Variants in GATB observed in about 807,000 individuals in gnomAD.
The protein encoded by GATB is glutamyl-tRNA(Gln) amidotransferase subunit B, mitochondrial.
GATB carries 39 observed loss-of-function variants against 62.3 expected under a neutral mutation model. That is an observed-to-expected ratio of 0.63 (90% CI 0.48 to 0.82). The LOEUF is 0.82. Ranked by LOEUF, GATB falls within the 40% of genes least tolerant of loss-of-function variation. The pLI is 0.00. For missense variants in GATB, 670 were observed against 684.0 expected (o/e 0.98, Z 0.23); for synonymous variants, 276 against 258.9 (o/e 1.07, Z -0.63).
chr4:151,707,015 C>T (rs1249208981), intron 6 of GATB, among the ~76,000 whole-genome samples: 1 of 152,206 alleles, frequency 6.6e-6, no homozygotes, highest in Admixed American at 6.5e-5. Context: ...ATACATTTAT[C>T]ATCAAAGAAA....
At chr4:151,715,978 G>C in intron 5 of GATB, 31 bp downstream of exon 5, 1 of 1,607,016 alleles carries the variant, frequency 6.2e-7, no homozygotes, top group Non-Finnish European at 8.5e-7. Flanking sequence ...AAGGGAGAGG[G>C]AAAGAAGAAT....
chr4:151,671,742 A>C (rs1737868534), intron 12 of GATB, among the ~76,000 whole-genome samples: 1 of 125,286 alleles, frequency 8.0e-6, no homozygotes, highest in African/African-American at 3.0e-5. Flanking sequence ...CCCCACCAAG[A>C]AGATTCCTTT....
At chr4:151,684,738 T>G (rs1401694112) in intron 10 of GATB, among the ~76,000 whole-genome samples, 1 of 152,368 alleles carries the variant, frequency 6.6e-6, no homozygotes, top group East Asian at 1.9e-4. Context: ...ACACAACTGT[T>G]GCCTGCTTCC....
intron 4 of GATB, among the ~76,000 whole-genome samples, chr4:151,716,481 G>A (rs189504413): frequency 3.3e-5 from 5 of 152,070 alleles, no homozygotes; most frequent in Admixed American, 3.3e-4. Context: ...TCGCTATGTT[G>A]CCCAGCCTGA....
At chr4:151,671,763 A>G (rs1383355432) in intron 12 of GATB, among the ~76,000 whole-genome samples, 3 of 151,474 alleles carry the variant, frequency 2.0e-5, no homozygotes, top group Admixed American at 6.6e-5. Flanking sequence ...ATCAGAAAGC[A>G]GATCTACACA....
chr4:151,672,625 A>T (rs1227930287), intron 12 of GATB, 137 bp downstream of exon 12: 2 of 825,100 alleles, frequency 2.4e-6, no homozygotes, highest in Non-Finnish European at 3.7e-6. Flanking sequence ...TAAAAAGATG[A>T]CAGTGAGGGA....
At position 151,754,810 on chromosome 4, in the gene GATB, G is replaced by C. The variant is rs149266101; in HGVS notation, c.327+3962C>G. Among the ~76,000 whole-genome samples, 164 of 152,120 alleles carry C rather than the reference G, an allele frequency of 1.1e-3. 3 individuals are homozygous for C. In the East Asian group the frequency reaches 0.027, roughly 25 times the overall value. ...TTTATCCATATACTAGTTTTTACTG[G>C]TTTTCATTATTTACTTAATTCTCTA... On this transcript the variant is annotated intron_variant, in intron 2 of 12. Coordinates refer to ENST00000263985, the MANE Select transcript of GATB (RefSeq NM_004564.3).
chr4:151,676,845 G>A (rs965968090), intron 11 of GATB, among the ~76,000 whole-genome samples: 2 of 152,164 alleles, frequency 1.3e-5, no homozygotes, highest in African/African-American at 2.4e-5. Flanking sequence ...TGTAAATGTC[G>A]GGAGCACTGG....
chr4:151,680,480 T>G (rs1738117293), intron 10 of GATB, among the ~76,000 whole-genome samples: 1 of 152,148 alleles, frequency 6.6e-6, no homozygotes, highest in Non-Finnish European at 1.5e-5. Flanking sequence ...TAGAATCCAC[T>G]ATACCTATAT....
At chr4:151,686,204 TTCCCTC>T (rs1452308566) in intron 10 of GATB, among the ~76,000 whole-genome samples, 12 of 152,042 alleles carry the variant, frequency 7.9e-5, no homozygotes, top group African/African-American at 2.4e-4. Flanking sequence ...CTGTGACTTT[TTCCCTC>T]AAAAGCTCTC....
intron 11 of GATB, chr4:151,677,848 T>G (rs568603697): frequency 6.6e-6 from 1 of 152,172 alleles, no homozygotes; most frequent in East Asian, 1.9e-4. Flanking sequence ...TGCTTGACAC[T>G]ATATAATTAA....
chr4:151,701,394 TGGGGAGCTCCGG>T lies in GATB; in HGVS notation c.1120_1131del (p.Pro374_Pro377del). The T allele has an allele frequency of 6.2e-7, 1 of 1,603,908 alleles. No homozygotes were observed. The highest frequency in any genetic ancestry group is 8.5e-7 in the Non-Finnish European group (1 of 1,175,012). ...TGGACAAGCTTCTCTCGGGTCACAC[TGGGGAGCTCCGG>T]GAGTGTCTCCCGAATCTGGTCAATA... On this transcript the variant is annotated inframe_deletion, in exon 9 of 13. Coordinates refer to ENST00000263985, the MANE Select transcript of GATB (RefSeq NM_004564.3).
chr4:151,734,687 T>TA lies in GATB; in HGVS notation c.328-15150dup, dbSNP rs1310179336. Among the ~76,000 whole-genome samples, 5 of 152,216 alleles carry TA rather than the reference T, an allele frequency of 3.3e-5. No individual in the cohort carries two copies. In the East Asian group the frequency reaches 5.8e-4, roughly 18 times the overall value. ...CACACTACCTGATTTTAAACTATACTATAAGGCCACAGTCACCAACACAGC... is the reference window on the plus strand; with the variant it reads ...CACACTACCTGATTTTAAACTATACTAATAAGGCCACAGTCACCAACACAGC... On this transcript the variant is annotated intron_variant, in intron 2 of 12. Transcript: ENST00000263985.
chr4:151,685,785 C>T (rs371241831), intron 10 of GATB, among the ~76,000 whole-genome samples: 1 of 152,220 alleles, frequency 6.6e-6, no homozygotes, highest in Non-Finnish European at 1.5e-5. Context: ...CGGTGGCTCA[C>T]GCCTGTAATC....
chr4:151,716,706 G>A (rs1738919311), intron 4 of GATB, among the ~76,000 whole-genome samples, 170 bp downstream of exon 4: 1 of 152,220 alleles, frequency 6.6e-6, no homozygotes, highest in African/African-American at 2.4e-5. Flanking sequence ...TTCAAGCCAT[G>A]TTCGCTAGTC....
At chr4:151,716,410 A>G (rs1178649562) in intron 4 of GATB, among the ~76,000 whole-genome samples, 1 of 151,764 alleles carries the variant, frequency 6.6e-6, no homozygotes, top group Non-Finnish European at 1.5e-5. Flanking sequence ...AGCCTCCTGA[A>G]TAGCTGGGGA....
chr4:151,727,064 G>A (rs1226736792), intron 2 of GATB, among the ~76,000 whole-genome samples: 1 of 152,172 alleles, frequency 6.6e-6, no homozygotes, highest in Non-Finnish European at 1.5e-5. Flanking sequence ...CCACAGGTGT[G>A]AGCCACCATG....
rs76752398 is a variant in GATB at position 151,707,676 on chromosome 4, G to A, written c.877+312C>T. ...GACTCACTTCTGCCTTCATCCTCCC[G>A]AAATGCTCCCACTGCCTCATAAGAA... On this transcript the variant is annotated intron_variant, in intron 6 of 12. Transcript: ENST00000263985. Among the ~76,000 whole-genome samples the A allele has an allele frequency of 1.6e-3, 248 of 152,246 alleles. 3 individuals are homozygous for A. The East Asian group carries it at 0.044, about 27-fold the overall frequency.
At chr4:151,735,186 A>T (rs1446354819) in intron 2 of GATB, among the ~76,000 whole-genome samples, 1 of 152,006 alleles carries the variant, frequency 6.6e-6, no homozygotes, top group Admixed American at 6.6e-5. Context: ...TATACATCTG[A>T]CAAAGGACTA....
Sources: gnomAD v4.1 joint callset for allele counts (sites outside exome capture counted in the v4.1 genomes callset) on GRCh38, gnomAD v4.1.1 for gene constraint, MANE v1.5 for transcripts, NCBI Gene and HGNC (gene_info 2026-07-23, HGNC 2026-07-21) for gene names.